Variants in GHR observed in about 807,000 individuals in gnomAD.
The protein encoded by GHR is GH receptor.
In GHR, 35 loss-of-function variants were observed where a neutral mutation model predicts 67.1. The ratio of observed to expected loss-of-function variants is 0.52; its 90% CI spans 0.40 to 0.69. The LOEUF (loss-of-function observed/expected upper bound fraction) is 0.69. Ranked by LOEUF, GHR falls within the 30% of genes least tolerant of loss-of-function variation. The pLI is 0.00. For synonymous variants in GHR, 272 were observed against 269.1 expected (o/e 1.01, Z -0.10); for missense variants, 792 against 764.6 (o/e 1.04, Z -0.42).
rs1243053374 is a variant in GHR at position 42,592,770 on chromosome 5, TG to T, written c.70+26827del. Among the ~76,000 whole-genome samples, 3 of 152,324 alleles carry T rather than the reference TG, an allele frequency of 2.0e-5. No individual in the cohort carries two copies. The East Asian group carries it at 5.8e-4, about 29-fold the overall frequency. On this transcript the variant is annotated intron_variant, in intron 2 of 9. Coordinates refer to ENST00000230882, the MANE Select transcript of GHR (RefSeq NM_000163.5). ...GTAGAGCAGTTTATATTCCTTGGAT[TG>T]TTGGGTAAAATAGCAGTTCTATTTT...
chr5:42,608,301 G>A (rs371148328), intron 2 of GHR, among the ~76,000 whole-genome samples: 6 of 152,230 alleles, frequency 3.9e-5, no homozygotes, highest in African/African-American at 1.4e-4. Flanking sequence ...AAAGAATGGG[G>A]AATTCATTCT....
At chr5:42,478,885 C>T (rs1174039714) in intron 1 of GHR, among the ~76,000 whole-genome samples, 1 of 152,136 alleles carries the variant, frequency 6.6e-6, no homozygotes, top group Non-Finnish European at 1.5e-5. Flanking sequence ...TTTCCTTCTC[C>T]TGCCTCATTG....
At chr5:42,430,980 GT>G (rs1743069193) in intron 1 of GHR, among the ~76,000 whole-genome samples, 1 of 152,086 alleles carries the variant, frequency 6.6e-6, no homozygotes, top group Admixed American at 6.6e-5. Context: ...GGGCTTTGCA[GT>G]TTTTGCCAAC....
At chr5:42,714,009 G>T (rs1561251555) in intron 8 of GHR, 1 of 156,376 alleles carries the variant, frequency 6.4e-6, no homozygotes, top group Admixed American at 6.2e-5. Flanking sequence ...CGCCCCCCAG[G>T]TTCAAGCAAT....
chr5:42,691,387 G>T (rs1757416610), intron 4 of GHR, among the ~76,000 whole-genome samples: 1 of 152,156 alleles, frequency 6.6e-6, no homozygotes, highest in South Asian at 2.1e-4. Flanking sequence ...ATCCAAGAAG[G>T]ATAAAACTGA....
chr5:42,545,604 A>T (rs1309700641), intron 1 of GHR, among the ~76,000 whole-genome samples: 1 of 152,172 alleles, frequency 6.6e-6, no homozygotes, highest in African/African-American at 2.4e-5. Flanking sequence ...GATTTAGCTC[A>T]TCTTCTTGAT....
At chr5:42,481,620 C>G (rs1447537842) in intron 1 of GHR, among the ~76,000 whole-genome samples, 2 of 151,814 alleles carry the variant, frequency 1.3e-5, no homozygotes, top group East Asian at 3.9e-4. Context: ...CTTCTCTTCT[C>G]GCTTCATTTC....
chr5:42,467,259 G>A lies in GHR; in HGVS notation c.-12+43304G>A, dbSNP rs1442828903. 3.0e-6 allele frequency: 4 copies of A among 1,330,486 alleles called. No individual in the cohort carries two copies. The East Asian group carries it at 9.2e-5, about 31-fold the overall frequency. The allele number at this position is 1,330,486 out of a possible 1,614,324, so 82.4% of individuals were successfully genotyped here. On this transcript the variant is annotated intron_variant, in intron 1 of 9. Transcript: ENST00000230882. Reference sequence around the variant, plus strand: ...TGTGAATTATCTGGTACATAATAAGGTGTGAAAAACAACTAAAGGTTTTCC... The same window carrying A: ...TGTGAATTATCTGGTACATAATAAGATGTGAAAAACAACTAAAGGTTTTCC...
At chr5:42,650,452 T>C (rs1350130834) in intron 3 of GHR, among the ~76,000 whole-genome samples, 1 of 151,982 alleles carries the variant, frequency 6.6e-6, no homozygotes, top group South Asian at 2.1e-4. Context: ...CATTTTCTTA[T>C]GTAGGTCATC....
intron 3 of GHR, among the ~76,000 whole-genome samples, chr5:42,662,695 A>G: frequency 6.6e-6 from 1 of 152,190 alleles, no homozygotes; most frequent in Admixed American, 6.5e-5. Context: ...AATTAAAAGA[A>G]CTAGAAAAGC....
At chr5:42,617,523 A>C (rs1411786670) in intron 2 of GHR, among the ~76,000 whole-genome samples, 1 of 152,078 alleles carries the variant, frequency 6.6e-6, no homozygotes, top group African/African-American at 2.4e-5. Context: ...CATCCACCAG[A>C]AAGTAGAACA....
intron 1 of GHR, chr5:42,514,127 GC>G (rs1208614072): frequency 1.0e-6 from 1 of 984,568 alleles, no homozygotes; most frequent in African/African-American, 1.7e-5. Flanking sequence ...AAGACAAATG[GC>G]TAAAATAAAA....
intron 3 of GHR, among the ~76,000 whole-genome samples, chr5:42,670,427 A>G (rs761085268): frequency 1.3e-5 from 2 of 152,210 alleles, no homozygotes; most frequent in Non-Finnish European, 2.9e-5. Flanking sequence ...AATGCAGAAA[A>G]TATAGGGGGA....
intron 6 of GHR, among the ~76,000 whole-genome samples, chr5:42,704,986 GT>G: frequency 6.6e-6 from 1 of 151,608 alleles, no homozygotes; most frequent in African/African-American, 2.4e-5. Flanking sequence ...CTTTTCTACT[GT>G]TTTAATGTGC....
At chr5:42,448,355 G>A (rs557811528) in intron 1 of GHR, among the ~76,000 whole-genome samples, 3 of 152,082 alleles carry the variant, frequency 2.0e-5, no homozygotes, top group African/African-American at 4.8e-5. Flanking sequence ...GTGATGTCAA[G>A]CATTTTTTTC....
intron 2 of GHR, among the ~76,000 whole-genome samples, chr5:42,617,739 G>A (rs1753237056): frequency 6.6e-6 from 1 of 152,120 alleles, no homozygotes; most frequent in Non-Finnish European, 1.5e-5. Context: ...AAGACACACT[G>A]TGCAAGACAT....
chr5:42,575,908 C>T (rs981691358), intron 2 of GHR, among the ~76,000 whole-genome samples: 2 of 151,490 alleles, frequency 1.3e-5, no homozygotes, highest in Admixed American at 1.3e-4. Context: ...GTGGCGGGCA[C>T]CTGTAGTCCC....
At chr5:42,643,597 C>T (rs1754584762) in intron 3 of GHR, among the ~76,000 whole-genome samples, 1 of 152,136 alleles carries the variant, frequency 6.6e-6, no homozygotes, top group Non-Finnish European at 1.5e-5. Flanking sequence ...AGAGGATTTG[C>T]ATATGTGCAT....
At chr5:42,575,869 A>T (rs1464151864) in intron 2 of GHR, among the ~76,000 whole-genome samples, 1 of 151,420 alleles carries the variant, frequency 6.6e-6, no homozygotes, top group East Asian at 1.9e-4. Context: ...CCCTATCTCT[A>T]CTAAGAATAC....
Sources: gnomAD v4.1 joint callset for allele counts (sites outside exome capture counted in the v4.1 genomes callset) on GRCh38, gnomAD v4.1.1 for gene constraint, MANE v1.5 for transcripts, NCBI Gene and HGNC (gene_info 2026-07-23, HGNC 2026-07-21) for gene names.